The following ZNF385D variants were observed in gnomAD, a reference collection of about 807,000 sequenced individuals.
ZNF385D encodes zinc finger protein 385D.
In ZNF385D, 15 loss-of-function variants were observed where a neutral mutation model predicts 35.8. The observed-to-expected ratio is 0.42, with a 90% confidence interval of 0.28 to 0.64. The LOEUF (loss-of-function observed/expected upper bound fraction) is 0.64, where lower values mean the gene tolerates loss of function less well. Ranked by LOEUF, ZNF385D falls within the 30% of genes least tolerant of loss-of-function variation. ZNF385D has a pLI of 0.23. For synonymous variants in ZNF385D, 212 were observed against 186.8 expected (o/e 1.13, Z -1.10); for missense variants, 474 against 494.6 (o/e 0.96, Z 0.39).
At chr3:22,317,689 T>C (rs957805563) in intron 2 of ZNF385D, among the ~76,000 whole-genome samples, 7 of 152,160 alleles carry the variant, frequency 4.6e-5, no homozygotes, top group Non-Finnish European at 1.0e-4. Flanking sequence ...GTAATAACGG[T>C]AATTACACTA....
rs529580444 is a variant in ZNF385D at position 22,229,751 on chromosome 3, T to C, written c.107-60716A>G. On this transcript the variant is annotated intron_variant, in intron 2 of 5. Transcript: ENST00000494108. ...CAAGTGGTCACTCAAACATTTTTTT[T>C]AGATGTCTCCACTGCTGGATACGTT... Among the ~76,000 whole-genome samples, 9 of 152,234 alleles carry C rather than the reference T, an allele frequency of 5.9e-5. No homozygotes were observed. The South Asian group carries it at 1.9e-3, about 32-fold the overall frequency.
At chr3:21,942,118 T>C (rs1701551417) in intron 3 of ZNF385D, among the ~76,000 whole-genome samples, 1 of 152,208 alleles carries the variant, frequency 6.6e-6, no homozygotes, top group Non-Finnish European at 1.5e-5. Context: ...ACTTTATGTG[T>C]ATTATGTCAA....
At chr3:21,954,727 A>G (rs1358105573) in intron 3 of ZNF385D, among the ~76,000 whole-genome samples, 1 of 152,122 alleles carries the variant, frequency 6.6e-6, no homozygotes, top group Non-Finnish European at 1.5e-5. Flanking sequence ...TACTAAGGGA[A>G]TCCATGTTCC....
rs1423743558 is a variant in ZNF385D, at chr3:21,539,740, T to C, written c.276+24834A>G. Among the ~76,000 whole-genome samples, 1 of 152,174 alleles carries C rather than the reference T, an allele frequency of 6.6e-6. No individual in the cohort carries two copies. Among genetic ancestry groups the C allele is most frequent in the Non-Finnish European group, 1.5e-5 (1 of 68,008 alleles). On this transcript the variant is annotated intron_variant, in intron 3 of 7. Coordinates refer to ENST00000281523, the MANE Select transcript of ZNF385D (RefSeq NM_024697.3). The surrounding 1 kb of genome is among the most constrained non-coding windows in gnomAD (Gnocchi z 4.0). ...TATTTTATGAAACCAATAAATGTTCTACCATGATAATGTTTTATCATTGTT... is the reference window on the plus strand; with the variant it reads ...TATTTTATGAAACCAATAAATGTTCCACCATGATAATGTTTTATCATTGTT...
At position 22,060,916 on chromosome 3, in the gene ZNF385D, T is replaced by A. The variant is rs184789157; in HGVS notation, c.325+107901A>T. On this transcript the variant is annotated intron_variant, in intron 3 of 5. Transcript: ENST00000494108. The stretch of plus-strand genomic sequence containing the variant: ...CTTAAGTAGAAAAATCTATAAAAAA[T>A]TTTAAATTGATAATAAAGTTAATTT... 7.0e-3 allele frequency among the ~76,000 whole-genome samples: 1,067 copies of A among 152,162 alleles called. 12 individuals are homozygous for A. The highest frequency in any genetic ancestry group is 0.024 in the Middle Eastern group (7 of 294).
intron 3 of ZNF385D, among the ~76,000 whole-genome samples, chr3:21,900,593 A>G (rs1357745511): frequency 6.6e-6 from 1 of 152,182 alleles, no homozygotes; most frequent in Non-Finnish European, 1.5e-5. Flanking sequence ...CAATAGATAC[A>G]TGGGGCCAGA....
At chr3:21,797,598 G>A (rs2072209965) in intron 3 of ZNF385D, among the ~76,000 whole-genome samples, 1 of 152,172 alleles carries the variant, frequency 6.6e-6, no homozygotes, top group Admixed American at 6.5e-5. Context: ...CAACCAAGCT[G>A]TTTTTACATA....
intron 2 of ZNF385D, among the ~76,000 whole-genome samples, chr3:22,289,805 GGA>G (rs1042858438): frequency 6.6e-6 from 1 of 152,018 alleles, no homozygotes; most frequent in Non-Finnish European, 1.5e-5. Context: ...CGATAGACCT[GGA>G]TTTACCCCTG....
chr3:21,951,505 AT>A (rs1161872841), intron 3 of ZNF385D, among the ~76,000 whole-genome samples: 2 of 151,682 alleles, frequency 1.3e-5, no homozygotes, highest in Admixed American at 6.6e-5. Flanking sequence ...AACACAGACA[AT>A]TTGACTTCCA....
At position 22,084,440 on chromosome 3, in the gene ZNF385D, T is replaced by A. The variant is rs548208682; in HGVS notation, c.325+84377A>T. Among the ~76,000 whole-genome samples, 179 of 152,112 alleles carry A rather than the reference T, an allele frequency of 1.2e-3. 1 individual carries two copies. The highest frequency in any genetic ancestry group is 1.6e-3 in the Admixed American group (24 of 15,270). The stretch of plus-strand genomic sequence containing the variant: ...AGGGGTTGCAATCCTAGTCTCTGAT[T>A]AAACAGACTTTAAACCAACAAAGAT... On this transcript the variant is annotated intron_variant, in intron 3 of 5. Coordinates refer to the ZNF385D transcript ENST00000494108.
At chr3:21,708,939 C>G (rs1029554909) in intron 1 of ZNF385D, among the ~76,000 whole-genome samples, 3 of 152,010 alleles carry the variant, frequency 2.0e-5, no homozygotes, top group Admixed American at 2.0e-4. Context: ...ACTTAACTAT[C>G]ATAAGGCAGT....
chr3:22,079,949 G>A (rs1006931369), intron 3 of ZNF385D, among the ~76,000 whole-genome samples: 1 of 151,848 alleles, frequency 6.6e-6, no homozygotes, highest in Non-Finnish European at 1.5e-5. Flanking sequence ...TATATAGATA[G>A]ATAGATAGGT....
chr3:21,843,321 C>T (rs138712801), intron 3 of ZNF385D, among the ~76,000 whole-genome samples: 2,754 of 152,012 alleles, frequency 0.018, 41 homozygotes, highest in Non-Finnish European at 0.029. Flanking sequence ...GACTTATCAT[C>T]GGCCTAGTCA....
At chr3:21,636,379 TA>T (rs2065439271) in intron 2 of ZNF385D, among the ~76,000 whole-genome samples, 5 of 3,668 alleles carry the variant, frequency 1.4e-3, no homozygotes, top group East Asian at 5.7e-3. Context: ...TATATATGAT[TA>T]TATATATATA....
intron 3 of ZNF385D, among the ~76,000 whole-genome samples, chr3:21,826,693 A>AT (rs1222575907): frequency 2.0e-5 from 3 of 152,148 alleles, no homozygotes; most frequent in Non-Finnish European, 4.4e-5. Context: ...AAGTTCCAGC[A>AT]TTTTACAAAT....
Position 21,558,618 on chromosome 3 carries a change from G to A in ZNF385D, c.276+5956C>T, listed in dbSNP as rs61313791. Among the ~76,000 whole-genome samples the A allele has an allele frequency of 1.8e-3, 281 of 152,268 alleles. 1 individual carries two copies. The highest frequency in any genetic ancestry group is 6.3e-3 in the African/African-American group (263 of 41,550). On this transcript the variant is annotated intron_variant, in intron 3 of 7. Coordinates refer to ENST00000281523, the MANE Select transcript of ZNF385D (RefSeq NM_024697.3). ...AGAGCAATGAGTTGCTGAGAAGAAC[G>A]TATATTCTGTTGATTTGGGGTGGAG...
intron 3 of ZNF385D, among the ~76,000 whole-genome samples, chr3:21,969,678 A>C (rs1703125640): frequency 6.6e-6 from 1 of 152,060 alleles, no homozygotes; most frequent in African/African-American, 2.4e-5. Flanking sequence ...CCATCTGCTT[A>C]TTGTAGGGTC....
chr3:22,213,921 G>A (rs1258606089), intron 2 of ZNF385D, among the ~76,000 whole-genome samples: 1 of 152,014 alleles, frequency 6.6e-6, no homozygotes, highest in Non-Finnish European at 1.5e-5. Flanking sequence ...TATAAAGCGA[G>A]CAATAAAATT....
At chr3:22,255,665 A>G (rs1334691700) in intron 2 of ZNF385D, among the ~76,000 whole-genome samples, 1 of 151,916 alleles carries the variant, frequency 6.6e-6, no homozygotes, top group Non-Finnish European at 1.5e-5. Flanking sequence ...CACATTTCAA[A>G]AAAAAAATGC....
Sources: gnomAD v4.1 joint callset for allele counts (sites outside exome capture counted in the v4.1 genomes callset) on GRCh38, gnomAD v4.1.1 for gene constraint, Gnocchi (gnomAD v3.1) non-coding constraint, MANE v1.5 for transcripts, NCBI Gene and HGNC (gene_info 2026-07-23, HGNC 2026-07-21) for gene names.